The following DNMT3B variants were observed in gnomAD, a reference collection of about 807,000 sequenced individuals.
The protein encoded by DNMT3B is DNA methyltransferase 3 beta.
A neutral mutation model predicts 120.2 loss-of-function variants in DNMT3B; 37 were observed. The ratio of observed to expected loss-of-function variants is 0.31; its 90% CI spans 0.24 to 0.40. The LOEUF is 0.40. DNMT3B is among the 10% of genes least tolerant of loss of function. The pLI, the probability that DNMT3B is intolerant of heterozygous loss-of-function variation, is 1.00. For missense variants in DNMT3B, 878 were observed against 1,137.3 expected, an observed-to-expected ratio of 0.77 and a Z score of 3.28; for synonymous variants, 412 against 442.8, an observed-to-expected ratio of 0.93 and a Z score of 0.87.
At chr20:32,799,422 G>A in intron 16 of DNMT3B, 94 bp downstream of exon 16, 1 of 1,394,390 alleles carries the variant, frequency 7.2e-7, no homozygotes. Context: ...GACATCAGTG[G>A]CAAGAAAGGT....
intron 1 of DNMT3B, among the ~76,000 whole-genome samples, chr20:32,765,460 A>G (rs2145833680): frequency 7.5e-6 from 1 of 133,276 alleles, no homozygotes; most frequent in African/African-American, 3.0e-5. Context: ...TTGCTTTGTC[A>G]CCCAGGCTGG....
At position 32,765,422 on chromosome 20, in the gene DNMT3B, CTTTCTTTTT is replaced by C. The variant is rs957680396; in HGVS notation, c.-7+2727_-7+2735del. Among the ~76,000 whole-genome samples the C allele has an allele frequency of 4.6e-4, 56 of 121,318 alleles. 1 individual carries two copies. The South Asian group carries it at 0.012, about 26-fold the overall frequency. 79.6% of individuals were successfully genotyped at this position (121,318 alleles called of 152,430 possible). On this transcript the variant is annotated intron_variant, in intron 1 of 22. Transcript: ENST00000328111. Reference sequence around the variant, plus strand: ...GTGAGCATTTTCTTTCTCTTTTTTTCTTTCTTTTTTTTTTTTTTGAGACAGTTTTGCTTT... The same window carrying C: ...GTGAGCATTTTCTTTCTCTTTTTTTCTTTTTTTTTGAGACAGTTTTGCTTT...
chr20:32,796,265 T>C (rs1980608521), intron 12 of DNMT3B, among the ~76,000 whole-genome samples: 2 of 152,140 alleles, frequency 1.3e-5, no homozygotes, highest in South Asian at 4.1e-4. Flanking sequence ...CCCATCTGGC[T>C]AGGTAGGGAT....
chr20:32,802,617 ATC>A (rs1981489234), intron 20 of DNMT3B, 147 bp downstream of exon 20: 7 of 817,318 alleles, frequency 8.6e-6, no homozygotes, highest in South Asian at 2.9e-5. Context: ...GTGCGGGTTG[ATC>A]TCTGTTAAGA....
intron 3 of DNMT3B, among the ~76,000 whole-genome samples, chr20:32,781,914 G>A (rs2080191244): frequency 6.6e-6 from 1 of 152,198 alleles, no homozygotes; most frequent in Admixed American, 6.5e-5. Context: ...TTCAAGTAGT[G>A]CTTGTTTTAC....
At chr20:32,793,767 T>C (rs1048356451) in intron 10 of DNMT3B, among the ~76,000 whole-genome samples, 172 bp downstream of exon 10, 5 of 152,198 alleles carry the variant, frequency 3.3e-5, no homozygotes, top group African/African-American at 1.2e-4. Flanking sequence ...CAGGTTAACG[T>C]TGGGTTGCAC....
intron 20 of DNMT3B, among the ~76,000 whole-genome samples, chr20:32,803,170 C>G (rs942461943): frequency 6.6e-6 from 1 of 152,226 alleles, no homozygotes; most frequent in African/African-American, 2.4e-5. Context: ...AAACAGTCTT[C>G]TTCAGACACT....
intron 1 of DNMT3B, among the ~76,000 whole-genome samples, chr20:32,774,885 A>AT (rs1054038872): frequency 3.1e-4 from 47 of 150,986 alleles, no homozygotes; most frequent in Non-Finnish European, 4.9e-4. Flanking sequence ...CGACCGGCTA[A>AT]TTTTTTTTTG....
In DNMT3B at chr20:32,795,461, C is replaced by G. The variant is rs1980493701; in HGVS notation, c.1179C>G (p.Cys393Trp). The part of the protein sequence containing the change: ...TADDSATSDY[C>W]PAPKRLKTNC... ...ACGACTCAGCCACCTCTGACTACTG[C>G]CCCGCACCCAAGCGCCTCAAGACAA... The change falls in exon 11 of 23, where the codon TGC becomes TGG. Residue 393 changes from cysteine to tryptophan, a missense_variant. Physicochemically the swap from Cys to Trp is radical, Grantham distance 215. Transcript: ENST00000328111. 1 of 1,614,066 alleles carries G rather than the reference C, an allele frequency of 6.2e-7. No homozygotes were observed. The highest frequency in any genetic ancestry group is 1.3e-5 in the African/African-American group (1 of 74,922).
At chr20:32,793,681 G>T in intron 10 of DNMT3B, 86 bp downstream of exon 10, 1 of 1,492,370 alleles carries the variant, frequency 6.7e-7, no homozygotes, top group Non-Finnish European at 9.3e-7. Context: ...CACTGGAAAA[G>T]AATCAAATTT....
chr20:32,799,492 A>T (rs549227122), intron 16 of DNMT3B, among the ~76,000 whole-genome samples, 164 bp downstream of exon 16: 1 of 152,160 alleles, frequency 6.6e-6, no homozygotes, highest in African/African-American at 2.4e-5. Flanking sequence ...CACCTTCTCA[A>T]CCACCTTGCA....
At chr20:32,806,176 G>T (rs1981959796) in intron 21 of DNMT3B, 33 bp from the exon 22 acceptor site, 6 of 1,602,954 alleles carry the variant, frequency 3.7e-6, no homozygotes, top group Middle Eastern at 1.7e-4. Context: ...CCTTCATTCT[G>T]TGCTCACTCC....
At chr20:32,763,623 T>A (rs1173493644) in intron 1 of DNMT3B, among the ~76,000 whole-genome samples, 2 of 152,190 alleles carry the variant, frequency 1.3e-5, no homozygotes, top group East Asian at 3.9e-4. Context: ...CTCCACTTTA[T>A]CGGGGAGAAA....
intron 1 of DNMT3B, among the ~76,000 whole-genome samples, chr20:32,764,965 T>C (rs1293386329): frequency 6.6e-6 from 1 of 152,222 alleles, no homozygotes; most frequent in Non-Finnish European, 1.5e-5. Flanking sequence ...CCCATGGACC[T>C]GCTGCCAGTG....
At position 32,793,616 on chromosome 20, in the gene DNMT3B, G is replaced by A. The variant is rs771123018; in HGVS notation, c.1126+21G>A. On this transcript the variant is annotated intron_variant, in intron 10 of 22. Coordinates refer to ENST00000328111, the MANE Select transcript of DNMT3B (RefSeq NM_006892.4). Reference sequence around the variant, plus strand: ...ATACGGTATTTCCTTCCTGTCTTTTGACTGTGCCCTGTTTTCTATGCACTT... The same window carrying A: ...ATACGGTATTTCCTTCCTGTCTTTTAACTGTGCCCTGTTTTCTATGCACTT... 4 of 1,613,074 alleles carry A rather than the reference G, an allele frequency of 2.5e-6. No individual in the cohort carries two copies. In the South Asian group the frequency reaches 4.4e-5, roughly 18 times the overall value.
intron 2 of DNMT3B, among the ~76,000 whole-genome samples, 170 bp downstream of exon 2, chr20:32,780,635 C>T (rs6141347): frequency 5.3e-5 from 8 of 152,244 alleles, no homozygotes; most frequent in South Asian, 4.1e-4. Context: ...CACACCTGCC[C>T]GCAGCCCTTG....
rs529127605 is a variant in DNMT3B at position 32,786,443 on chromosome 20, C to T, written c.307-59C>T. The T allele has an allele frequency of 1.5e-4, 247 of 1,612,304 alleles. 1 individual carries two copies. The South Asian group carries it at 2.4e-3, about 15-fold the overall frequency. ...CCTGAAGGCCTAATCCTTCTGGCCC[C>T]GCCAGACCCCAGGCCTCCAGTCACC... On this transcript the variant is annotated intron_variant, in intron 4 of 22. Coordinates refer to ENST00000328111, the MANE Select transcript of DNMT3B (RefSeq NM_006892.4).
At chr20:32,802,674 C>G (rs1288335447) in intron 20 of DNMT3B, among the ~76,000 whole-genome samples, 1 of 151,996 alleles carries the variant, frequency 6.6e-6, no homozygotes, top group Non-Finnish European at 1.5e-5. Context: ...CCCACTCTTA[C>G]CTGTTGTAAG....
chr20:32,776,121 C>T (rs1166123021), intron 1 of DNMT3B, among the ~76,000 whole-genome samples: 2 of 151,826 alleles, frequency 1.3e-5, no homozygotes, highest in African/African-American at 2.4e-5. Context: ...CCCAGCTACT[C>T]GGGAGGCTGA....
Sources: gnomAD v4.1 joint callset for allele counts (sites outside exome capture counted in the v4.1 genomes callset) on GRCh38, gnomAD v4.1.1 for gene constraint, MANE v1.5 for transcripts, NCBI Gene and HGNC (gene_info 2026-07-23, HGNC 2026-07-21) for gene names.